SNCAIP: variants seen among roughly 807,000 people sequenced by gnomAD.
SNCAIP encodes the protein synphilin-1.
A neutral mutation model predicts 86.7 loss-of-function variants in SNCAIP; 43 were observed. The observed-to-expected ratio is 0.50, with a 90% CI of 0.39 to 0.64. SNCAIP has a LOEUF of 0.64. Among genes scored for constraint, SNCAIP ranks in the 30% least tolerant of loss-of-function variants. The pLI, the probability that SNCAIP is intolerant of heterozygous loss-of-function variation, is 0.00. For synonymous variants in SNCAIP, 417 were observed against 427.2 expected, an observed-to-expected ratio of 0.98 and a Z score of 0.29; for missense variants, 981 against 1,103.1, an observed-to-expected ratio of 0.89 and a Z score of 1.57.
intron 5 of SNCAIP, among the ~76,000 whole-genome samples, chr5:122,431,659 A>G (rs1251226443): frequency 6.6e-6 from 1 of 152,186 alleles, no homozygotes; most frequent in Non-Finnish European, 1.5e-5. Context: ...TATTTGTCAA[A>G]ATACATCAAA....
At chr5:122,356,034 T>C (rs1328130076) in intron 1 of SNCAIP, among the ~76,000 whole-genome samples, 1 of 152,144 alleles carries the variant, frequency 6.6e-6, no homozygotes, top group Non-Finnish European at 1.5e-5. Context: ...ATATGTAGAT[T>C]TATTTAATAA....
chr5:122,390,159 A>G (rs1019408362), intron 1 of SNCAIP, among the ~76,000 whole-genome samples: 3 of 152,178 alleles, frequency 2.0e-5, no homozygotes, highest in Non-Finnish European at 4.4e-5. Context: ...AAATCTGGGT[A>G]CTTAAGATAA....
chr5:122,326,605 CCTTT>C (rs1754113928), intron 1 of SNCAIP, among the ~76,000 whole-genome samples: 2 of 102,432 alleles, frequency 2.0e-5, no homozygotes, highest in African/African-American at 7.4e-5. Flanking sequence ...AGAAATGTCT[CCTTT>C]TTTTTTTTTT....
intron 3 of SNCAIP, among the ~76,000 whole-genome samples, chr5:122,417,648 CCCT>C (rs1775579261): frequency 6.6e-6 from 1 of 152,134 alleles, no homozygotes; most frequent in East Asian, 1.9e-4. Context: ...CATCTTCCTT[CCCT>C]CCTTCCTCCT....
Position 122,450,572 on chromosome 5 carries a change from A to G in SNCAIP, c.1725A>G (p.Lys575=), listed in dbSNP as rs144346422. Residue 575 remains lysine, a synonymous_variant, in exon 10 of 11, where the codon AAA becomes AAG. Coordinates refer to ENST00000261368, the MANE Select transcript of SNCAIP (RefSeq NM_005460.4). ...SSPASRKSQW[K]SPDADDDSVA... ...CTGCCTCCAGAAAGTCCCAGTGGAA[A>G]TCTCCAGATGCAGATGATGATTCTG... 1.2e-4 allele frequency: 196 copies of G among 1,614,082 alleles called. 1 individual carries two copies. The African/African-American group carries it at 2.1e-3, about 17-fold the overall frequency.
rs542918579 is a variant in SNCAIP at position 122,344,510 on chromosome 5, G to A, written c.-47+32226G>A. Reference sequence around the variant, plus strand: ...AAGCAAACAATGCCTTCAGAGAGGAGAGGGCTTTGAGCTACAAGGAAATGA... The same window carrying A: ...AAGCAAACAATGCCTTCAGAGAGGAAAGGGCTTTGAGCTACAAGGAAATGA... On this transcript the variant is annotated intron_variant, in intron 1 of 10. Transcript: ENST00000261368. Among the ~76,000 whole-genome samples, 10 of 152,278 alleles carry A rather than the reference G, an allele frequency of 6.6e-5. No homozygotes were observed. In the South Asian group the frequency reaches 2.1e-3, roughly 32 times the overall value.
At chr5:122,453,035 G>A in intron 10 of SNCAIP, 1 of 1,320,806 alleles carries the variant, frequency 7.6e-7, no homozygotes, top group Non-Finnish European at 1.1e-6. Context: ...GCATTGACAT[G>A]CTTTGCTTTG....
intron 1 of SNCAIP, among the ~76,000 whole-genome samples, chr5:122,358,279 A>G (rs1247296912): frequency 1.3e-5 from 2 of 151,082 alleles, no homozygotes; most frequent in Non-Finnish European, 2.9e-5. Flanking sequence ...ATATGTATAC[A>G]TGTGCCATGT....
chr5:122,353,735 A>G lies in SNCAIP; in HGVS notation c.-46-37354A>G, dbSNP rs530225297. On this transcript the variant is annotated intron_variant, in intron 1 of 10. Transcript: ENST00000261368. ...GACTTGCTCCTCCTTGCCTTCTGCC[A>G]TAATTGTGAGGCCTCCCTAGCCAAG... 3.9e-5 allele frequency among the ~76,000 whole-genome samples: 6 copies of G among 152,284 alleles called. No individual in the cohort carries two copies. The East Asian group carries it at 7.7e-4, about 20-fold the overall frequency.
chr5:122,426,483 T>A (rs1462568750), intron 5 of SNCAIP, among the ~76,000 whole-genome samples: 1 of 152,206 alleles, frequency 6.6e-6, no homozygotes, highest in Non-Finnish European at 1.5e-5. Context: ...AAACCTGATT[T>A]TTTTGTATTT....
intron 1 of SNCAIP, among the ~76,000 whole-genome samples, chr5:122,327,607 G>T (rs1375271425): frequency 6.6e-6 from 1 of 152,122 alleles, no homozygotes; most frequent in Non-Finnish European, 1.5e-5. Context: ...CTGTCACCTT[G>T]TGAAGAAGGT....
intron 2 of SNCAIP, among the ~76,000 whole-genome samples, chr5:122,397,296 T>C (rs1770820634): frequency 6.6e-6 from 1 of 152,146 alleles, no homozygotes; most frequent in Non-Finnish European, 1.5e-5. Flanking sequence ...TCTCCATCCA[T>C]GTCCACTTCT....
Position 122,378,389 on chromosome 5 carries a change from T to C in SNCAIP, c.-46-12700T>C, listed in dbSNP as rs1439782393. Among the ~76,000 whole-genome samples, 17 of 134,008 alleles carry C rather than the reference T, an allele frequency of 1.3e-4. 2 individuals carry two copies. The highest frequency in any genetic ancestry group is 4.8e-4 in the African/African-American group (17 of 35,058). The allele number at this position is 134,008 out of a possible 152,430, so 87.9% of individuals were successfully genotyped here. A position where few individuals can be genotyped will look rare whatever the true frequency, so the allele number is the denominator to read the frequency against. ...TTCGCCCACTTTTTGATGGGGTTGTTTGTTTTTTTCTTGTAAATTTGTTTG... is the reference window on the plus strand; with the variant it reads ...TTCGCCCACTTTTTGATGGGGTTGTCTGTTTTTTTCTTGTAAATTTGTTTG... On this transcript the variant is annotated intron_variant, in intron 1 of 10. Transcript: ENST00000261368.
intron 3 of SNCAIP, among the ~76,000 whole-genome samples, chr5:122,405,247 A>G (rs753656508): frequency 1.2e-4 from 19 of 152,240 alleles, no homozygotes; most frequent in Non-Finnish European, 2.1e-4. Flanking sequence ...TCTACAAAAT[A>G]GAGAAGATAC....
rs538142257 is a variant in SNCAIP at position 122,397,541 on chromosome 5, TA to T, written c.58-6247del. 1.6e-4 allele frequency among the ~76,000 whole-genome samples: 25 copies of T among 152,242 alleles called. No individual in the cohort carries two copies. The East Asian group carries it at 4.6e-3, about 28-fold the overall frequency. On this transcript the variant is annotated intron_variant, in intron 2 of 10. Coordinates refer to ENST00000261368, the MANE Select transcript of SNCAIP (RefSeq NM_005460.4). ...AAAACTTCTTAGAATGAAGATATGA[TA>T]AAAATAAGGTACCAGAGCAAAATTC... is the stretch of plus-strand genomic sequence containing the variant.
chr5:122,444,871 T>G, intron 8 of SNCAIP, 139 bp downstream of exon 8: 1 of 783,480 alleles, frequency 1.3e-6, no homozygotes, highest in South Asian at 1.5e-5. Context: ...TGTTCTTCCA[T>G]CCAAAGTCCT....
intron 1 of SNCAIP, among the ~76,000 whole-genome samples, chr5:122,331,275 A>G (rs1258166309): frequency 6.6e-6 from 1 of 152,186 alleles, no homozygotes; most frequent in Non-Finnish European, 1.5e-5. Context: ...TTCCTGTGTG[A>G]CGTGAAATCT....
chr5:122,357,568 A>G (rs1761287905), intron 1 of SNCAIP, among the ~76,000 whole-genome samples: 2 of 149,186 alleles, frequency 1.3e-5, no homozygotes, highest in Non-Finnish European at 3.0e-5. Context: ...TTCCTGACCC[A>G]CCGTATTTAA....
chr5:122,357,858 A>C (rs150015428), intron 1 of SNCAIP, among the ~76,000 whole-genome samples: 2 of 152,162 alleles, frequency 1.3e-5, no homozygotes, highest in East Asian at 1.9e-4. Context: ...CACATTGGAC[A>C]GCACAGATAC....
Sources: allele counts gnomAD v4.1 joint callset (sites outside exome capture counted in the v4.1 genomes callset), GRCh38; gene constraint gnomAD v4.1.1; transcripts MANE v1.5; gene names NCBI Gene and HGNC (gene_info 2026-07-23, HGNC 2026-07-21).